The following PPARGC1A variants were observed in gnomAD, a reference collection of about 807,000 sequenced individuals.
The protein encoded by PPARGC1A is PPARG coactivator 1 alpha, also known as peroxisome proliferator-activated receptor gamma coactivator 1-alpha.
A neutral mutation model predicts 88.7 loss-of-function variants in PPARGC1A; 25 were observed. The ratio of observed to expected loss-of-function variants is 0.28; its 90% confidence interval spans 0.21 to 0.39. PPARGC1A has a LOEUF of 0.39. PPARGC1A is among the 10% of genes least tolerant of loss of function. The pLI is 1.00. For missense variants in PPARGC1A, 880 were observed against 968.7 expected (o/e 0.91, Z 1.22); for synonymous variants, 363 against 355.6 (o/e 1.02, Z -0.24).
chr4:23,902,768 G>C (rs937380646), upstream of PPARGC1A, among the ~76,000 whole-genome samples: 1 of 152,102 alleles, frequency 6.6e-6, no homozygotes, highest in African/African-American at 2.4e-5. Context: ...AAATGCACCC[G>C]CCTCTCTCTT....
chr4:23,874,681 A>G (rs1334013854), intron 2 of PPARGC1A, among the ~76,000 whole-genome samples: 3 of 152,190 alleles, frequency 2.0e-5, no homozygotes, highest in Non-Finnish European at 4.4e-5. Context: ...TGTTGGCAAG[A>G]TTTCCAGAAT....
chr4:23,802,155 G>A, intron 11 of PPARGC1A, 69 bp downstream of exon 11: 1 of 1,602,716 alleles, frequency 6.2e-7, no homozygotes, highest in East Asian at 2.2e-5. Context: ...TCCCATCCCA[G>A]TAATCTTATG....
the PPARGC1A span, among the ~76,000 whole-genome samples, chr4:24,132,465 G>T: frequency 2.0e-5 from 3 of 152,134 alleles, no homozygotes; most frequent in African/African-American, 7.2e-5. Context: ...CAGAACTCTC[G>T]AGTAATACAG....
the PPARGC1A span, among the ~76,000 whole-genome samples, chr4:23,910,325 T>TATTA: frequency 2.2e-5 from 1 of 45,230 alleles, no homozygotes; most frequent in African/African-American, 1.6e-4. Context: ...ATTATATATA[T>TATTA]TATATATTAT....
At chr4:24,413,476 G>A in the PPARGC1A span, among the ~76,000 whole-genome samples, 6 of 152,138 alleles carry the variant, frequency 3.9e-5, no homozygotes, top group Non-Finnish European at 8.8e-5. Context: ...AGACAAAATC[G>A]CCACAGGCAA....
the PPARGC1A span, among the ~76,000 whole-genome samples, chr4:24,213,298 C>T: frequency 5.1e-4 from 78 of 151,766 alleles, no homozygotes; most frequent in Admixed American, 1.3e-3. Flanking sequence ...TCCCTGGTAG[C>T]TGGGACTACA....
At chr4:24,019,569 C>G in the PPARGC1A span, among the ~76,000 whole-genome samples, 4 of 152,158 alleles carry the variant, frequency 2.6e-5, no homozygotes, top group Admixed American at 2.0e-4. Context: ...CCAGTTACAA[C>G]AAAGTCCACT....
At chr4:23,926,074 G>C in the PPARGC1A span, among the ~76,000 whole-genome samples, 1 of 152,114 alleles carries the variant, frequency 6.6e-6, no homozygotes, top group Non-Finnish European at 1.5e-5. Context: ...TCCTTTGACT[G>C]CTGGTGTTGC....
the PPARGC1A span, among the ~76,000 whole-genome samples, chr4:24,203,173 G>A: frequency 6.6e-6 from 1 of 152,302 alleles, no homozygotes; most frequent in Non-Finnish European, 1.5e-5. Flanking sequence ...AGGAAGCAAG[G>A]AAACTTCCAG....
chr4:24,236,111 A>C, the PPARGC1A span, among the ~76,000 whole-genome samples: 1 of 152,166 alleles, frequency 6.6e-6, no homozygotes, highest in Non-Finnish European at 1.5e-5. Context: ...TGGTATACAT[A>C]CTATTGCTTT....
At chr4:24,231,192 C>T in the PPARGC1A span, among the ~76,000 whole-genome samples, 7 of 152,254 alleles carry the variant, frequency 4.6e-5, no homozygotes, top group Middle Eastern at 3.4e-3. Flanking sequence ...CCTACCTCCC[C>T]GGTCTCTTGT....
intron 10 of PPARGC1A, among the ~76,000 whole-genome samples, chr4:23,803,881 C>T (rs1009150933): frequency 5.3e-5 from 8 of 152,068 alleles, no homozygotes; most frequent in Non-Finnish European, 1.0e-4. Context: ...CAAAAAGATG[C>T]CCTTTCTTAT....
At chr4:23,891,015 T>C (rs1182911292), upstream of PPARGC1A, among the ~76,000 whole-genome samples, 1 of 152,150 alleles carries the variant, frequency 6.6e-6, no homozygotes, top group East Asian at 1.9e-4. Flanking sequence ...AAATCAAGAA[T>C]GTCTGTGAAC....
At chr4:24,308,515 T>C in the PPARGC1A span, among the ~76,000 whole-genome samples, 2 of 152,054 alleles carry the variant, frequency 1.3e-5, no homozygotes. Context: ...GTGGATAGCA[T>C]GGGATTTATT....
chr4:24,060,228 T>C, the PPARGC1A span, among the ~76,000 whole-genome samples: 1 of 152,146 alleles, frequency 6.6e-6, no homozygotes, highest in Non-Finnish European at 1.5e-5. Context: ...AACACAGAAG[T>C]TGAAAGTATT....
the PPARGC1A span, among the ~76,000 whole-genome samples, chr4:24,134,404 T>G: frequency 6.6e-6 from 1 of 152,246 alleles, no homozygotes; most frequent in African/African-American, 2.4e-5. Flanking sequence ...CATCATTTCT[T>G]CATTTTAATG....
the PPARGC1A span, among the ~76,000 whole-genome samples, chr4:24,067,095 C>T: frequency 1.3e-5 from 2 of 152,046 alleles, no homozygotes; most frequent in South Asian, 4.1e-4. Context: ...AATTTATCTT[C>T]TTGATAAAAC....
intron 2 of PPARGC1A, 46 bp from the exon 3 acceptor site, chr4:23,831,797 G>A (rs1367373325): frequency 1.3e-6 from 2 of 1,495,558 alleles, no homozygotes; most frequent in Non-Finnish European, 1.9e-6. Flanking sequence ...ACCCTGGGAG[G>A]CAGGTAACAC....
At chr4:24,008,996 C>T in the PPARGC1A span, among the ~76,000 whole-genome samples, 1 of 151,934 alleles carries the variant, frequency 6.6e-6, no homozygotes, top group Non-Finnish European at 1.5e-5. Context: ...TCAACTCTCC[C>T]ACCATTTATC....
Sources: gnomAD v4.1 joint callset for allele counts (sites outside exome capture counted in the v4.1 genomes callset) on GRCh38, gnomAD v4.1.1 for gene constraint, MANE v1.5 for transcripts, NCBI Gene and HGNC (gene_info 2026-07-23, HGNC 2026-07-21) for gene names.